SCML4: variants seen among roughly 807,000 people sequenced by gnomAD.
SCML4 encodes the protein Scm polycomb group protein like 4, also known as sex comb on midleg-like protein 4.
SCML4 carries 34 observed loss-of-function variants against 41.1 expected under a neutral mutation model. That is an observed-to-expected ratio of 0.83 (90% CI 0.63 to 1.10). The LOEUF is 1.10. SCML4 is among the 50% of genes least tolerant of loss of function. The pLI, the probability that SCML4 is intolerant of heterozygous loss-of-function variation, is 0.00. For missense variants in SCML4, 522 were observed against 534.1 expected, an observed-to-expected ratio of 0.98 and a Z score of 0.22; for synonymous variants, 214 against 220.9, an observed-to-expected ratio of 0.97 and a Z score of 0.28.
At chr6:107,822,339 T>G (rs1243230276) in intron 1 of SCML4, among the ~76,000 whole-genome samples, 1 of 152,128 alleles carries the variant, frequency 6.6e-6, no homozygotes, top group Non-Finnish European at 1.5e-5. Context: ...CCTTTCACCC[T>G]CACCCCCAGG....
rs553619218 is a variant in SCML4, at chr6:107,773,810, C to G, written c.-59-1424G>C. Among the ~76,000 whole-genome samples, 4 of 152,246 alleles carry G rather than the reference C, an allele frequency of 2.6e-5. No individual in the cohort carries two copies. The East Asian group carries it at 7.7e-4, about 29-fold the overall frequency. On this transcript the variant is annotated intron_variant, in intron 1 of 7. Coordinates refer to ENST00000369020, the MANE Select transcript of SCML4 (RefSeq NM_198081.5). Reference sequence around the variant, plus strand: ...ATTTTTAAGGATTAGTGGTACCTTACAGTGGAAATGAGAGGCTTTTGCCCA... The same window carrying G: ...ATTTTTAAGGATTAGTGGTACCTTAGAGTGGAAATGAGAGGCTTTTGCCCA...
intron 1 of SCML4, 108 bp from the exon 2 acceptor site, chr6:107,772,494 G>A: frequency 1.7e-6 from 1 of 592,608 alleles, no homozygotes; most frequent in Non-Finnish European, 2.9e-6. Flanking sequence ...ACCACTTATT[G>A]GAGGGGAAGA....
chr6:107,731,633 C>T (rs1776558833), intron 5 of SCML4, among the ~76,000 whole-genome samples: 1 of 152,204 alleles, frequency 6.6e-6, no homozygotes, highest in Non-Finnish European at 1.5e-5. Flanking sequence ...CCGGTCTGCC[C>T]AGCCCTGCCG....
At chr6:107,733,766 T>C (rs1489483068) in intron 5 of SCML4, among the ~76,000 whole-genome samples, 1 of 152,238 alleles carries the variant, frequency 6.6e-6, no homozygotes, top group African/African-American at 2.4e-5. Flanking sequence ...TTCTGAGGTA[T>C]AATCAGAGAA....
chr6:107,810,668 T>A (rs1476222788), intron 1 of SCML4, among the ~76,000 whole-genome samples: 6 of 152,178 alleles, frequency 3.9e-5, no homozygotes, highest in Admixed American at 2.6e-4. Flanking sequence ...ATATTTACCA[T>A]TGATCGCTTA....
chr6:107,814,358 C>G (rs1784414497), intron 1 of SCML4, among the ~76,000 whole-genome samples: 1 of 152,134 alleles, frequency 6.6e-6, no homozygotes, highest in Non-Finnish European at 1.5e-5. Context: ...CCCAGTTATA[C>G]CACTTAACAG....
chr6:107,782,535 CA>C (rs1232042188), intron 1 of SCML4, among the ~76,000 whole-genome samples: 1 of 152,278 alleles, frequency 6.6e-6, no homozygotes, highest in Non-Finnish European at 1.5e-5. Context: ...CTGTTTCCCT[CA>C]GCTGCATTTC....
rs140470217 is a variant in SCML4 at position 107,729,115 on chromosome 6, C to G, written c.683-8122G>C. On this transcript the variant is annotated intron_variant, in intron 5 of 7. Transcript: ENST00000369020. The stretch of plus-strand genomic sequence containing the variant: ...TGTTAAATGCTTTCCACTGGCGGGA[C>G]AGGGAACCACATGGGTATATTCATT... Among the ~76,000 whole-genome samples the G allele has an allele frequency of 1.6e-3, 247 of 152,266 alleles. 1 individual carries two copies. Among genetic ancestry groups the G allele is most frequent in the South Asian group, 3.9e-3 (19 of 4,826 alleles).
intron 6 of SCML4, among the ~76,000 whole-genome samples, chr6:107,712,329 A>G (rs1774300599): frequency 6.6e-6 from 1 of 152,218 alleles, no homozygotes; most frequent in African/African-American, 2.4e-5. Flanking sequence ...GGGAAAACCC[A>G]GACCAATTAA....
intron 2 of SCML4, among the ~76,000 whole-genome samples, chr6:107,763,361 T>A (rs1779764864): frequency 6.6e-6 from 1 of 151,550 alleles, no homozygotes; most frequent in Admixed American, 6.6e-5. Flanking sequence ...GTATGCCCCA[T>A]GAAGAGATTC....
chr6:107,840,603 A>G, the SCML4 span, among the ~76,000 whole-genome samples: 1 of 152,242 alleles, frequency 6.6e-6, no homozygotes, highest in Non-Finnish European at 1.5e-5. Context: ...GGGAGAGATA[A>G]TAAACAGGAC....
At chr6:107,780,965 T>A (rs1340438064) in intron 1 of SCML4, among the ~76,000 whole-genome samples, 1 of 152,064 alleles carries the variant, frequency 6.6e-6, no homozygotes, top group African/African-American at 2.4e-5. Context: ...GCAATGGTTT[T>A]TTTTTTATAT....
At chr6:107,787,169 T>C (rs1234376234) in intron 1 of SCML4, among the ~76,000 whole-genome samples, 1 of 152,210 alleles carries the variant, frequency 6.6e-6, no homozygotes, top group Non-Finnish European at 1.5e-5. Flanking sequence ...CTATAGGATA[T>C]AAAGAAATGG....
intron 2 of SCML4, among the ~76,000 whole-genome samples, chr6:107,767,104 C>T (rs903974934): frequency 5.9e-5 from 9 of 151,964 alleles, no homozygotes; most frequent in East Asian, 1.9e-4. Flanking sequence ...ATTACTGACA[C>T]GCGCCACCAT....
intron 1 of SCML4, among the ~76,000 whole-genome samples, chr6:107,821,083 C>T (rs1029861506): frequency 6.6e-6 from 1 of 152,118 alleles, no homozygotes; most frequent in African/African-American, 2.4e-5. Context: ...TGTACTGCCC[C>T]GGGGCTGAGA....
chr6:107,758,391 T>A (rs9373973), intron 2 of SCML4, among the ~76,000 whole-genome samples: 22,229 of 152,114 alleles, frequency 0.15, 1,943 homozygotes, highest in Middle Eastern at 0.2. Flanking sequence ...CAAGAAGAGG[T>A]CAAGTTAGGT....
chr6:107,748,936 C>A (rs1778369152), intron 3 of SCML4, among the ~76,000 whole-genome samples: 1 of 152,188 alleles, frequency 6.6e-6, no homozygotes, highest in African/African-American at 2.4e-5. Flanking sequence ...TATGCTAAGA[C>A]CCCATGACCA....
rs376539227 is a variant in SCML4 at position 107,787,219 on chromosome 6, C to G, written c.-59-14833G>C. On this transcript the variant is annotated intron_variant, in intron 1 of 7. Coordinates refer to ENST00000369020, the MANE Select transcript of SCML4 (RefSeq NM_198081.5). ...GAAAGCTTGGATGGTATAAAGTAAC[C>G]CAGTCAACTCTCTGGGCATGAAATA... 8.5e-5 allele frequency among the ~76,000 whole-genome samples: 13 copies of G among 152,222 alleles called. No individual in the cohort carries two copies. In the East Asian group the frequency reaches 2.3e-3, roughly 27 times the overall value.
chr6:107,829,394 AAAAAG>A, the SCML4 span, among the ~76,000 whole-genome samples: 1 of 152,188 alleles, frequency 6.6e-6, no homozygotes, highest in Admixed American at 6.5e-5. Flanking sequence ...CCTCAAAAAA[AAAAAG>A]AAAAGAAAAA....
Sources: gnomAD v4.1 joint callset for allele counts (sites outside exome capture counted in the v4.1 genomes callset) on GRCh38, gnomAD v4.1.1 for gene constraint, MANE v1.5 for transcripts, NCBI Gene and HGNC (gene_info 2026-07-23, HGNC 2026-07-21) for gene names.